NUP93: variants seen among roughly 807,000 people sequenced by gnomAD.
The protein encoded by NUP93 is nuclear pore complex protein Nup93.
NUP93 carries 55 observed loss-of-function variants against 107.8 expected under a neutral mutation model. The ratio of observed to expected loss-of-function variants is 0.51; its 90% CI spans 0.41 to 0.64. The LOEUF is 0.64. Among genes scored for constraint, NUP93 ranks in the 30% least tolerant of loss-of-function variants. The pLI is 0.00. For missense variants in NUP93, 937 were observed against 1,044.7 expected, an observed-to-expected ratio of 0.90 and a Z score of 1.42; for synonymous variants, 390 against 397.5, an observed-to-expected ratio of 0.98 and a Z score of 0.22.
intron 3 of NUP93, among the ~76,000 whole-genome samples, chr16:56,797,123 A>G (rs1284791747): frequency 6.6e-6 from 1 of 151,660 alleles, no homozygotes; most frequent in Non-Finnish European, 1.5e-5. Flanking sequence ...TACAAAAACT[A>G]GCAGGGTGTG....
Position 56,818,728 on chromosome 16 carries a change from A to T in NUP93, c.554A>T (p.Tyr185Phe). 1 of 1,613,942 alleles carries T rather than the reference A, an allele frequency of 6.2e-7. No individual in the cohort carries two copies. Among genetic ancestry groups the T allele is most frequent in the Non-Finnish European group, 8.5e-7 (1 of 1,179,786 alleles). Reference protein sequence around the residue: ...RSSLDNIEMAYARQIYIYNEK... With the variant: ...RSSLDNIEMAFARQIYIYNEK... ...TCTCTGGATAACATCGAGATGGCCTATGCGCGGCAAGTGAGTGTGATTTTA... is the reference window on the plus strand; with the variant it reads ...TCTCTGGATAACATCGAGATGGCCTTTGCGCGGCAAGTGAGTGTGATTTTA... Residue 185 changes from tyrosine to phenylalanine, a missense_variant, in exon 6 of 22, where the codon TAT (tyrosine) becomes TTT (phenylalanine). Tyr to Phe is a conservative substitution (Grantham distance 22). Transcript: ENST00000308159.
chr16:56,833,201 C>A lies in NUP93; in HGVS notation c.1346-14C>A. The A allele has an allele frequency of 6.3e-7, 1 of 1,590,118 alleles. No individual in the cohort carries two copies. The highest frequency in any genetic ancestry group is 8.5e-7 in the Non-Finnish European group (1 of 1,172,014). On this transcript the variant is annotated splice_polypyrimidine_tract_variant and intron_variant, in intron 12 of 21. Transcript: ENST00000308159. The stretch of plus-strand genomic sequence containing the variant: ...CTAAGTTGGTTTTATCTCCTCTCCT[C>A]TCCTCTCTCCCAGGCGAGTCCCACT...
In NUP93 at chr16:56,826,882, C is replaced by T. The variant is rs193087531; in HGVS notation, c.795-2095C>T. 2.7e-3 allele frequency among the ~76,000 whole-genome samples: 412 copies of T among 151,668 alleles called. 3 individuals are homozygous for T. The highest frequency in any genetic ancestry group is 9.4e-3 in the African/African-American group (389 of 41,350). On this transcript the variant is annotated intron_variant, in intron 8 of 21. Transcript: ENST00000308159. ...CCAACATGGTGAAACCCCTTCTCTA[C>T]TAAAAATACAAAAATTAGCCAGGCA...
intron 1 of NUP93, among the ~76,000 whole-genome samples, chr16:56,737,552 A>T (rs1268464743): frequency 6.6e-6 from 1 of 152,048 alleles, no homozygotes; most frequent in Non-Finnish European, 1.5e-5. Context: ...GATAACCAGT[A>T]TTCTGATCTT....
At chr16:56,787,147 A>T (rs1962645838) in intron 3 of NUP93, among the ~76,000 whole-genome samples, 1 of 152,240 alleles carries the variant, frequency 6.6e-6, no homozygotes, top group African/African-American at 2.4e-5. Context: ...AGAACGTGAA[A>T]TTACAAAAGG....
chr16:56,833,189 A>C (rs1963831133), intron 12 of NUP93, 26 bp from the exon 13 acceptor site: 2 of 1,560,386 alleles, frequency 1.3e-6, no homozygotes, highest in South Asian at 1.2e-5. Flanking sequence ...AGTTGGTTTT[A>C]TCTCCTCTCC....
chr16:56,808,028 T>A (rs1327929483), intron 5 of NUP93, among the ~76,000 whole-genome samples: 3 of 143,820 alleles, frequency 2.1e-5, no homozygotes, highest in South Asian at 4.3e-4. Context: ...TCTCAAAAAA[T>A]ATATATAAAT....
At chr16:56,811,720 C>G (rs1187602655) in intron 5 of NUP93, among the ~76,000 whole-genome samples, 1 of 152,172 alleles carries the variant, frequency 6.6e-6, no homozygotes, top group Non-Finnish European at 1.5e-5. Context: ...ATCTGCCCTC[C>G]TCTGTTTCCC....
At position 56,793,018 on chromosome 16, in the gene NUP93, TA is replaced by T. The variant is rs1210580702; in HGVS notation, c.298-5457del. On this transcript the variant is annotated intron_variant, in intron 3 of 21. Coordinates refer to ENST00000308159, the MANE Select transcript of NUP93 (RefSeq NM_014669.5). ...TGTAAAATGGGGCAGGGGATGGGGA[TA>T]GGGGAGAGTGGGATGATTATGTCTG... Among the ~76,000 whole-genome samples, 34 of 152,218 alleles carry T rather than the reference TA, an allele frequency of 2.2e-4. 1 individual carries two copies. The highest frequency in any genetic ancestry group is 2.0e-3 in the Admixed American group (30 of 15,290).
At chr16:56,739,614 G>A (rs1395187121) in intron 1 of NUP93, among the ~76,000 whole-genome samples, 92 of 114,206 alleles carry the variant, frequency 8.1e-4, no homozygotes, top group Non-Finnish European at 6.6e-4. Flanking sequence ...GCGGCTGGCC[G>A]GGCGGGGGGC....
intron 8 of NUP93, among the ~76,000 whole-genome samples, chr16:56,826,109 C>T (rs1027628372): frequency 2.0e-5 from 3 of 152,140 alleles, no homozygotes. Context: ...CAGCTTAGGC[C>T]CTTGTCAGCA....
At chr16:56,779,140 C>G (rs1596792732) in intron 3 of NUP93, among the ~76,000 whole-genome samples, 2 of 152,304 alleles carry the variant, frequency 1.3e-5, no homozygotes, top group East Asian at 3.9e-4. Flanking sequence ...CCTGGAGAAC[C>G]TGGCAGAAGA....
intron 6 of NUP93, among the ~76,000 whole-genome samples, chr16:56,818,995 A>G (rs1054863099): frequency 6.6e-6 from 1 of 152,238 alleles, no homozygotes; most frequent in African/African-American, 2.4e-5. Flanking sequence ...ATTTTTGGCA[A>G]TAGTCCCATG....
chr16:56,785,005 T>TA (rs1262190478), intron 3 of NUP93, among the ~76,000 whole-genome samples: 1 of 152,218 alleles, frequency 6.6e-6, no homozygotes, highest in Non-Finnish European at 1.5e-5. Flanking sequence ...AATATTAACT[T>TA]ACGGAATAAG....
chr16:56,817,934 TCTC>T (rs1186811967), intron 5 of NUP93, among the ~76,000 whole-genome samples: 2 of 152,180 alleles, frequency 1.3e-5, no homozygotes. Context: ...AATGACGAAA[TCTC>T]CTAATGATGC....
At chr16:56,752,758 C>T (rs1424214046) in intron 2 of NUP93, among the ~76,000 whole-genome samples, 1 of 152,142 alleles carries the variant, frequency 6.6e-6, no homozygotes, top group African/African-American at 2.4e-5. Flanking sequence ...GAAATTACTA[C>T]AGAGTCACAG....
At chr16:56,815,148 A>G (rs1252502715) in intron 5 of NUP93, among the ~76,000 whole-genome samples, 3 of 152,218 alleles carry the variant, frequency 2.0e-5, no homozygotes. Flanking sequence ...AGCACTGGAA[A>G]ATATTTCTCA....
intron 20 of NUP93, among the ~76,000 whole-genome samples, chr16:56,840,976 G>C (rs140520642): frequency 6.7e-6 from 1 of 148,266 alleles, no homozygotes; most frequent in Non-Finnish European, 1.5e-5. Flanking sequence ...CAGCCTGGGC[G>C]ATAGAGGGAG....
At position 56,832,213 on chromosome 16, in the gene NUP93, T is replaced by C. The variant is rs553553211; in HGVS notation, c.1252-82T>C. The C allele has an allele frequency of 3.1e-6, 4 of 1,308,702 alleles. No homozygotes were observed. The South Asian group carries it at 4.8e-5, about 16-fold the overall frequency. 81.1% of individuals were successfully genotyped at this position (1,308,702 alleles called of 1,614,324 possible). ...AGCTTCTAGCTGACATCATTGAGCA[T>C]GGCTGCTGAACAGCTACAACTCTGT... On this transcript the variant is annotated intron_variant, in intron 11 of 21. Transcript: ENST00000308159.
Sources: gnomAD v4.1 joint callset for allele counts (sites outside exome capture counted in the v4.1 genomes callset) on GRCh38, gnomAD v4.1.1 for gene constraint, MANE v1.5 for transcripts, NCBI Gene and HGNC (gene_info 2026-07-23, HGNC 2026-07-21) for gene names.